Variants in DHRS7 observed in about 807,000 individuals in gnomAD.
The protein encoded by DHRS7 is dehydrogenase/reductase SDR family member 7.
DHRS7 carries 34 observed loss-of-function variants against 38.9 expected under a neutral mutation model. The observed-to-expected ratio is 0.87, with a 90% CI of 0.66 to 1.16. The LOEUF (loss-of-function observed/expected upper bound fraction) is 1.16, where lower values mean the gene tolerates loss of function less well. DHRS7 is among the 50% of genes most tolerant of loss of function. DHRS7 has a pLI of 0.00. For synonymous variants in DHRS7, 158 were observed against 153.1 expected, an observed-to-expected ratio of 1.03 and a Z score of -0.24; for missense variants, 421 against 407.0, an observed-to-expected ratio of 1.03 and a Z score of -0.30.
In DHRS7 at chr14:60,148,480, A is replaced by G. The variant is rs1195261901; in HGVS notation, c.972+873T>C. Among the ~76,000 whole-genome samples the G allele has an allele frequency of 1.3e-5, 2 of 152,240 alleles. No homozygotes were observed. Among genetic ancestry groups the G allele is most frequent in the Non-Finnish European group, 2.9e-5 (2 of 68,038 alleles). ...GGTCACAATTTCTCAGAAATGGTTA[A>G]TAGTATTCCCTGACTAATTGCTATA... is the stretch of plus-strand genomic sequence containing the variant. On this transcript the variant is annotated intron_variant, in intron 6 of 6. Coordinates refer to ENST00000557185, the MANE Select transcript of DHRS7 (RefSeq NM_016029.4). The surrounding 1 kb of genome is among the most constrained non-coding windows in gnomAD (Gnocchi z 4.8).
intron 2 of DHRS7, among the ~76,000 whole-genome samples, chr14:60,154,485 A>G (rs1395310506): frequency 6.6e-6 from 1 of 152,204 alleles, no homozygotes; most frequent in Non-Finnish European, 1.5e-5. Flanking sequence ...CCTACAGTCA[A>G]ATGACATATA....
At chr14:60,156,485 T>C (rs1439828418) in intron 1 of DHRS7, among the ~76,000 whole-genome samples, 1 of 152,144 alleles carries the variant, frequency 6.6e-6, no homozygotes, top group African/African-American at 2.4e-5. Flanking sequence ...GTAAGATAAA[T>C]ATGATAGATA....
chr14:60,167,535 C>G (rs1896883185), upstream of DHRS7, among the ~76,000 whole-genome samples: 2 of 152,236 alleles, frequency 1.3e-5, no homozygotes, highest in South Asian at 4.1e-4. Context: ...CCATTCATGG[C>G]AGCTAAGGCC....
chr14:60,166,197 AC>A, upstream of DHRS7: 1 of 982,316 alleles, frequency 1.0e-6, no homozygotes. Flanking sequence ...CCCACTAAAT[AC>A]CTACATGTAT....
rs983688981 is a variant in DHRS7, at chr14:60,162,206, T to A, written c.133+2971A>T. 2.0e-5 allele frequency among the ~76,000 whole-genome samples: 3 copies of A among 152,058 alleles called. No homozygotes were observed. The highest frequency in any genetic ancestry group is 4.4e-5 in the Non-Finnish European group (3 of 68,000). On this transcript the variant is annotated intron_variant, in intron 1 of 6. Coordinates refer to ENST00000557185, the MANE Select transcript of DHRS7 (RefSeq NM_016029.4). This position sits in a 1 kb window ranked among gnomAD's most constrained non-coding sequence, Gnocchi z 4.5. Reference sequence around the variant, plus strand: ...GCCTGGAACATAGTGAGAGCCTGTTTCTACAAAAAGTTTAAAAATATCCAG... The same window carrying A: ...GCCTGGAACATAGTGAGAGCCTGTTACTACAAAAAGTTTAAAAATATCCAG...
intron 4 of DHRS7, among the ~76,000 whole-genome samples, chr14:60,151,200 TAATTAAA>T (rs1896537428): frequency 6.6e-6 from 1 of 152,232 alleles, no homozygotes. Flanking sequence ...GGTATGTGGC[TAATTAAA>T]AATGTAATAT....
At chr14:60,167,335 C>T (rs1896880851), upstream of DHRS7, among the ~76,000 whole-genome samples, 1 of 152,206 alleles carries the variant, frequency 6.6e-6, no homozygotes, top group Non-Finnish European at 1.5e-5. Context: ...ATGAGAGTTG[C>T]TAGCATTTAA....
At position 60,165,372 on chromosome 14, in the gene DHRS7, C is replaced by T. The variant is rs1896850896; in HGVS notation, c.-63G>A. 4 of 1,523,648 alleles carry T rather than the reference C, an allele frequency of 2.6e-6. No individual in the cohort carries two copies. In the East Asian group the frequency reaches 7.3e-5, roughly 28 times the overall value. 94.4% of individuals were successfully genotyped at this position (1,523,648 alleles called of 1,614,324 possible). ...GCCCGCACCAGAGTCGCGTCGCTGC[C>T]CTGCGGGATCGCAGCGCCACCCCTT... On this transcript the variant is annotated 5_prime_UTR_variant, in exon 1 of 7. Transcript: ENST00000557185. The surrounding 1 kb of genome is among the most constrained non-coding windows in gnomAD (Gnocchi z 4.6).
In DHRS7 at chr14:60,149,456, G is replaced by A. The variant is rs752736783; in HGVS notation, c.869C>T (p.Pro290Leu). The change falls in exon 6 of 7, where the codon CCT (proline) becomes CTT (leucine). Residue 290 changes from proline to leucine, a missense_variant. Coordinates refer to ENST00000557185, the MANE Select transcript of DHRS7 (RefSeq NM_016029.4). ...DLKEVWISEQ[P>L]FLLVTYLWQY... ...CCACAAATATGTTACTAACAAGAAA[G>A]GTTGTTCTGAGATCCAAACTTCTTT... 9.3e-6 allele frequency: 15 copies of A among 1,614,098 alleles called. No individual in the cohort carries two copies. The highest frequency in any genetic ancestry group is 2.2e-5 in the East Asian group (1 of 44,886).
upstream of DHRS7, among the ~76,000 whole-genome samples, chr14:60,165,901 A>T (rs75958364): frequency 9.3e-3 from 1,415 of 152,322 alleles, 26 homozygotes; most frequent in African/African-American, 0.033. The surrounding 1 kb of genome is among the most constrained non-coding windows in gnomAD (Gnocchi z 4.6). Context: ...AGGTCCTTTT[A>T]CAATTAGAGA....
chr14:60,147,929 G>A (rs192702203), intron 6 of DHRS7: 1 of 152,158 alleles, frequency 6.6e-6, no homozygotes, highest in African/African-American at 2.4e-5. Context: ...TAAAACTCAG[G>A]TATACTCTTT....
At chr14:60,166,373 GA>G, upstream of DHRS7, 1 of 553,798 alleles carries the variant, frequency 1.8e-6, no homozygotes, top group South Asian at 7.8e-5. Flanking sequence ...TGATGCAGTA[GA>G]ACTTTCATCC....
intron 5 of DHRS7, among the ~76,000 whole-genome samples, 167 bp downstream of exon 5, chr14:60,149,898 C>T (rs1235825196): frequency 6.6e-6 from 1 of 152,028 alleles, no homozygotes; most frequent in Non-Finnish European, 1.5e-5. Context: ...ATGCATTTAG[C>T]AAATGAAATT....
intron 1 of DHRS7, among the ~76,000 whole-genome samples, chr14:60,157,221 C>A (rs1896677331): frequency 6.6e-6 from 1 of 152,202 alleles, no homozygotes; most frequent in African/African-American, 2.4e-5. Context: ...CCATCACACA[C>A]AGCACTGAAA....
At chr14:60,169,460 GCT>G (rs1896907261), upstream of DHRS7, among the ~76,000 whole-genome samples, 1 of 152,198 alleles carries the variant, frequency 6.6e-6, no homozygotes, top group Non-Finnish European at 1.5e-5. Context: ...TCTACCTCTT[GCT>G]CTCTCTTGTT....
chr14:60,153,867 G>T lies in DHRS7; in HGVS notation c.393+92C>A, dbSNP rs989587497. ...CGATCTCACTGCATGGACCCCACTT[G>T]CCTAAAGCCCTTTGTATGACAGCAC... On this transcript the variant is annotated intron_variant, in intron 3 of 6. Coordinates refer to ENST00000557185, the MANE Select transcript of DHRS7 (RefSeq NM_016029.4). This position sits in a 1 kb window ranked among gnomAD's most constrained non-coding sequence, Gnocchi z 4.4. 2.7e-6 allele frequency: 3 copies of T among 1,127,394 alleles called. No individual in the cohort carries two copies. Among genetic ancestry groups the T allele is most frequent in the African/African-American group, 1.5e-5 (1 of 64,928 alleles). 69.8% of individuals were successfully genotyped at this position (1,127,394 alleles called of 1,614,324 possible). A position where few individuals can be genotyped will look rare whatever the true frequency, so the allele number is the denominator to read the frequency against.
At chr14:60,155,865 A>C in intron 2 of DHRS7, 135 bp downstream of exon 2, 3 of 889,494 alleles carry the variant, frequency 3.4e-6, no homozygotes, top group Non-Finnish European at 4.6e-6. Context: ...CAAAAAGGAG[A>C]GGAACTGAGA....
chr14:60,149,267 C>A lies in DHRS7; in HGVS notation c.972+86G>T, dbSNP rs184510710. On this transcript the variant is annotated intron_variant, in intron 6 of 6. Transcript: ENST00000557185. ...TACAGACATGAGCCACTGCACCCAG[C>A]CAGAAAGTTTTTTAAACACTGGAAA... is the stretch of plus-strand genomic sequence containing the variant. 1.3e-4 allele frequency: 177 copies of A among 1,335,736 alleles called. No homozygotes were observed. The East Asian group carries it at 3.9e-3, about 30-fold the overall frequency. The allele number at this position is 1,335,736 out of a possible 1,614,324, so 82.7% of individuals were successfully genotyped here.
chr14:60,168,347 G>A (rs903377761), upstream of DHRS7, among the ~76,000 whole-genome samples: 6 of 152,116 alleles, frequency 3.9e-5, no homozygotes, highest in African/African-American at 1.2e-4. Flanking sequence ...TCTTGTCCAT[G>A]ATTTAGTAGT....
Sources: allele counts gnomAD v4.1 joint callset (sites outside exome capture counted in the v4.1 genomes callset), GRCh38; gene constraint gnomAD v4.1.1; non-coding constraint Gnocchi (gnomAD v3.1); transcripts MANE v1.5; gene names NCBI Gene and HGNC (gene_info 2026-07-23, HGNC 2026-07-21).